Variants in MYT1L observed in about 807,000 individuals in gnomAD.
The protein encoded by MYT1L is myelin transcription factor 1-like protein.
MYT1L carries 12 observed loss-of-function variants against 126.7 expected under a neutral mutation model. The ratio of observed to expected loss-of-function variants is 0.09; its 90% CI spans 0.06 to 0.15. MYT1L has a LOEUF of 0.15. Among genes scored for constraint, MYT1L ranks in the 10% least tolerant of loss-of-function variants. The pLI, the probability that MYT1L is intolerant of heterozygous loss-of-function variation, is 1.00. For synonymous variants in MYT1L, 541 were observed against 604.2 expected (o/e 0.90, Z 1.53); for missense variants, 979 against 1,585.2 (o/e 0.62, Z 6.49).
rs1558365967 is a variant in MYT1L, at chr2:1,910,586, G to A, written c.1710-239C>T. Reference sequence around the variant, plus strand: ...TGCTGGCGGCAGTGCTATGTGTGAGGTGTATTCAATCCTTCCCAATGAGAG... The same window carrying A: ...TGCTGGCGGCAGTGCTATGTGTGAGATGTATTCAATCCTTCCCAATGAGAG... On this transcript the variant is annotated intron_variant, in intron 12 of 24. Coordinates refer to ENST00000647738, the MANE Select transcript of MYT1L (RefSeq NM_001303052.2). The surrounding 1 kb of genome is among the most constrained non-coding windows in gnomAD (Gnocchi z 4.8). Among the ~76,000 whole-genome samples the A allele has an allele frequency of 6.6e-6, 1 of 152,168 alleles. No homozygotes were observed. The highest frequency in any genetic ancestry group is 1.5e-5 in the Non-Finnish European group (1 of 68,042).
intron 2 of MYT1L, among the ~76,000 whole-genome samples, chr2:2,262,952 A>ATATATATATATATATATC (rs2095024621): frequency 7.6e-6 from 1 of 130,960 alleles, no homozygotes; most frequent in African/African-American, 2.9e-5. Context: ...ATATATATAT[A>ATATATATATATATATATC]TATCACAGGT....
At chr2:1,818,150 C>G (rs917535872) in intron 21 of MYT1L, among the ~76,000 whole-genome samples, 1 of 152,124 alleles carries the variant, frequency 6.6e-6, no homozygotes, top group Non-Finnish European at 1.5e-5. Context: ...TTGGAAATAA[C>G]TAAATAAGTG....
intron 1 of MYT1L, among the ~76,000 whole-genome samples, chr2:2,320,009 G>GCTC (rs2096133941): frequency 6.6e-6 from 1 of 152,134 alleles, no homozygotes; most frequent in African/African-American, 2.4e-5. Flanking sequence ...GGACAGTGAG[G>GCTC]AGAGCCCCTG....
intron 8 of MYT1L, among the ~76,000 whole-genome samples, chr2:1,970,699 C>T (rs1420697405): frequency 1.3e-5 from 2 of 152,322 alleles, no homozygotes; most frequent in Non-Finnish European, 2.9e-5. Context: ...ATCTCCATAG[C>T]GGCTGCCCTG....
chr2:2,250,481 T>C (rs535665551), intron 2 of MYT1L, among the ~76,000 whole-genome samples: 2 of 143,564 alleles, frequency 1.4e-5, no homozygotes, highest in African/African-American at 2.6e-5. Context: ...CTCATGAAGA[T>C]AGAAAATAGA....
chr2:2,211,573 C>T (rs1448567354), intron 2 of MYT1L, among the ~76,000 whole-genome samples: 1 of 151,962 alleles, frequency 6.6e-6, no homozygotes. Context: ...TTTAGGAGGC[C>T]GAGGCGGGCA....
intron 23 of MYT1L, among the ~76,000 whole-genome samples, chr2:1,797,578 T>C (rs1410252086): frequency 6.6e-6 from 1 of 152,190 alleles, no homozygotes; most frequent in Non-Finnish European, 1.5e-5. Context: ...CAGACTCTTC[T>C]TTTCAAGCTG....
At chr2:2,189,635 A>C (rs1246615973) in intron 2 of MYT1L, among the ~76,000 whole-genome samples, 1 of 152,218 alleles carries the variant, frequency 6.6e-6, no homozygotes, top group Non-Finnish European at 1.5e-5. Context: ...CTTAGTTTTA[A>C]TTGTTAATGT....
chr2:2,005,216 G>A (rs1375882542), intron 4 of MYT1L, among the ~76,000 whole-genome samples: 2 of 98,028 alleles, frequency 2.0e-5, no homozygotes, highest in African/African-American at 4.1e-5. Context: ...TCCTGAATAT[G>A]TTCTTTCCTG....
At chr2:2,304,502 C>T (rs568142208) in intron 1 of MYT1L, among the ~76,000 whole-genome samples, 20 of 152,340 alleles carry the variant, frequency 1.3e-4, no homozygotes, top group African/African-American at 4.6e-4. Flanking sequence ...TCATCATCCT[C>T]TTCATTTTTA....
chr2:2,014,078 A>C (rs1186855824), intron 4 of MYT1L, among the ~76,000 whole-genome samples: 1 of 152,256 alleles, frequency 6.6e-6, no homozygotes, highest in East Asian at 1.9e-4. Context: ...AGGAAGAACC[A>C]GATCAAGAGT....
chr2:1,842,771 A>G (rs1341904195), intron 19 of MYT1L: 2 of 155,732 alleles, frequency 1.3e-5, no homozygotes, highest in Non-Finnish European at 2.8e-5. Flanking sequence ...TCACCAACCC[A>G]AAGCCCCAGT....
chr2:1,946,371 C>G (rs909895546), intron 8 of MYT1L, among the ~76,000 whole-genome samples: 8 of 152,050 alleles, frequency 5.3e-5, no homozygotes, highest in Non-Finnish European at 1.5e-5. Context: ...ACATCCTCTC[C>G]ACCCCCAAAC....
chr2:1,963,465 T>C (rs958930868), intron 8 of MYT1L, among the ~76,000 whole-genome samples: 1 of 152,222 alleles, frequency 6.6e-6, no homozygotes, highest in Non-Finnish European at 1.5e-5. Flanking sequence ...AGAGACAGCC[T>C]GTCCTTTGAA....
intron 4 of MYT1L, among the ~76,000 whole-genome samples, chr2:2,026,859 C>G (rs563098262): frequency 1.3e-5 from 2 of 152,262 alleles, no homozygotes; most frequent in African/African-American, 4.8e-5. Context: ...AGAAAACCTG[C>G]CCCTCTCCTC....
intron 23 of MYT1L, among the ~76,000 whole-genome samples, chr2:1,800,936 C>T (rs1322318126): frequency 6.6e-6 from 1 of 152,002 alleles, no homozygotes; most frequent in African/African-American, 2.4e-5. Flanking sequence ...CCTCTGCTCA[C>T]CCTGTGGGCA....
At chr2:2,138,985 C>T (rs868030850) in intron 3 of MYT1L, among the ~76,000 whole-genome samples, 11 of 152,186 alleles carry the variant, frequency 7.2e-5, no homozygotes, top group East Asian at 3.9e-4. Context: ...GCACTACCAA[C>T]GGCACATGCA....
intron 3 of MYT1L, among the ~76,000 whole-genome samples, chr2:2,140,710 G>A (rs1156983843): frequency 2.0e-5 from 3 of 152,022 alleles, no homozygotes; most frequent in Admixed American, 2.0e-4. Context: ...TGGGATTACA[G>A]GCGTGAGACA....
intron 2 of MYT1L, among the ~76,000 whole-genome samples, chr2:2,245,337 T>A (rs991653971): frequency 8.0e-5 from 12 of 150,894 alleles, no homozygotes; most frequent in Admixed American, 5.3e-4. Flanking sequence ...GAGAAGGAGG[T>A]AGACCATCCC....
Sources: allele counts gnomAD v4.1 joint callset (sites outside exome capture counted in the v4.1 genomes callset), GRCh38; gene constraint gnomAD v4.1.1; non-coding constraint Gnocchi (gnomAD v3.1); transcripts MANE v1.5; gene names NCBI Gene and HGNC (gene_info 2026-07-23, HGNC 2026-07-21).